The following NPSR1 variants were observed in gnomAD, a reference collection of about 807,000 sequenced individuals.
The protein encoded by NPSR1 is neuropeptide S receptor.
Under a neutral mutation model 46.9 loss-of-function variants are expected in NPSR1, and 48 were observed. The observed-to-expected ratio is 1.02, with a 90% CI of 0.81 to 1.30. The LOEUF is 1.30. Ranked by LOEUF, NPSR1 falls within the 50% of genes most tolerant of loss-of-function variation. The pLI, the probability that NPSR1 is intolerant of heterozygous loss-of-function variation, is 0.00. For missense variants in NPSR1, 450 were observed against 449.5 expected, an observed-to-expected ratio of 1.00 and a Z score of -0.01; for synonymous variants, 176 against 168.1, an observed-to-expected ratio of 1.05 and a Z score of -0.36.
At chr7:34,665,522 C>CT in intron 1 of NPSR1, among the ~76,000 whole-genome samples, 1 of 152,294 alleles carries the variant, frequency 6.6e-6, no homozygotes, top group Non-Finnish European at 1.5e-5. Flanking sequence ...ACCCAATCAC[C>CT]TTCTCTACTC....
At chr7:34,675,566 C>A (rs889650308) in intron 1 of NPSR1, among the ~76,000 whole-genome samples, 3 of 152,214 alleles carry the variant, frequency 2.0e-5, no homozygotes, top group Admixed American at 6.5e-5. Flanking sequence ...TTATTAAGCA[C>A]CTTCTACGGG....
At chr7:34,874,597 C>G (rs911828845) in intron 8 of NPSR1, among the ~76,000 whole-genome samples, 1 of 152,146 alleles carries the variant, frequency 6.6e-6, no homozygotes. Context: ...ACCGTGAGAC[C>G]ATCTTGTCTT....
At chr7:34,747,908 G>A (rs927568844) in intron 2 of NPSR1, among the ~76,000 whole-genome samples, 1 of 152,142 alleles carries the variant, frequency 6.6e-6, no homozygotes, top group Non-Finnish European at 1.5e-5. Flanking sequence ...GTTAAAGAAG[G>A]GATCTGGACA....
chr7:34,778,942 A>C (rs1229582967), intron 3 of NPSR1, among the ~76,000 whole-genome samples: 1 of 152,130 alleles, frequency 6.6e-6, no homozygotes, highest in Non-Finnish European at 1.5e-5. Context: ...TCTTTTTTGT[A>C]AACCAAGGGG....
In NPSR1 at chr7:34,666,639, G is replaced by C. The variant is rs867514263; in HGVS notation, c.147+8080G>C. On this transcript the variant is annotated intron_variant, in intron 1 of 8. Coordinates refer to ENST00000360581, the MANE Select transcript of NPSR1 (RefSeq NM_207172.2). Reference sequence around the variant, plus strand: ...ATTATATGAAAAAAAATAAATCTTTGTTTAAGCCACTGCTAAGCTGAATAC... The same window carrying C: ...ATTATATGAAAAAAAATAAATCTTTCTTTAAGCCACTGCTAAGCTGAATAC... Among the ~76,000 whole-genome samples the C allele has an allele frequency of 3.3e-5, 5 of 152,186 alleles. No individual in the cohort carries two copies. The Middle Eastern group carries it at 0.014, about 414-fold the overall frequency.
At chr7:34,797,775 T>C (rs760783259) in intron 3 of NPSR1, among the ~76,000 whole-genome samples, 1 of 152,122 alleles carries the variant, frequency 6.6e-6, no homozygotes, top group African/African-American at 2.4e-5. Context: ...AAAATCCTGA[T>C]AGAAGTTGAG....
chr7:34,790,777 TTA>T lies in NPSR1; in HGVS notation c.384+12216_384+12217del, dbSNP rs560996024. 6.2e-4 allele frequency among the ~76,000 whole-genome samples: 77 copies of T among 125,080 alleles called. 4 individuals carry two copies. In the South Asian group the frequency reaches 0.018, roughly 29 times the overall value. 82.1% of individuals were successfully genotyped at this position (125,080 alleles called of 152,430 possible). A position where few individuals can be genotyped will look rare whatever the true frequency, so the allele number is the denominator to read the frequency against. On this transcript the variant is annotated intron_variant, in intron 3 of 8. Transcript: ENST00000360581. ...TGTTATATGTTATATATAATATATG[TTA>T]TATGTTATATATATGTTATAGGTTA...
chr7:34,789,428 T>C (rs77278266), intron 3 of NPSR1, among the ~76,000 whole-genome samples: 11,236 of 151,862 alleles, frequency 0.074, 503 homozygotes, highest in East Asian at 0.12. Context: ...TCAAATAAAA[T>C]TAGAAATGAA....
At chr7:34,814,173 C>T (rs1055187815) in intron 4 of NPSR1, among the ~76,000 whole-genome samples, 1 of 152,214 alleles carries the variant, frequency 6.6e-6, no homozygotes, top group African/African-American at 2.4e-5. Flanking sequence ...AGCTGGGGCA[C>T]ACTGTACCTG....
chr7:34,867,846 TG>T (rs1254832132), intron 8 of NPSR1, among the ~76,000 whole-genome samples: 3 of 151,892 alleles, frequency 2.0e-5, no homozygotes, highest in Middle Eastern at 3.4e-3. Context: ...AGCTCACCTA[TG>T]GAAAAGGAGG....
chr7:34,822,338 T>A (rs983909992), intron 4 of NPSR1, among the ~76,000 whole-genome samples: 1 of 151,836 alleles, frequency 6.6e-6, no homozygotes, highest in African/African-American at 2.4e-5. Context: ...GGGAGAGTCA[T>A]GGAGCAGGGA....
chr7:34,741,445 T>C (rs1784936656), intron 2 of NPSR1, among the ~76,000 whole-genome samples: 1 of 152,202 alleles, frequency 6.6e-6, no homozygotes, highest in Non-Finnish European at 1.5e-5. Flanking sequence ...CCCAACCTCA[T>C]TCTTCCTAGG....
chr7:34,719,109 T>C (rs1189760525), intron 2 of NPSR1: 1 of 152,504 alleles, frequency 6.6e-6, no homozygotes, highest in Non-Finnish European at 1.5e-5. Flanking sequence ...GATGGACTTT[T>C]TTCTGGAAGT....
At chr7:34,756,569 G>A (rs1785868510) in intron 2 of NPSR1, among the ~76,000 whole-genome samples, 1 of 152,228 alleles carries the variant, frequency 6.6e-6, no homozygotes, top group Non-Finnish European at 1.5e-5. Context: ...GCAGCCATGA[G>A]CAAACAGGCA....
intron 1 of NPSR1, among the ~76,000 whole-genome samples, chr7:34,681,963 C>A (rs1166416862): frequency 6.6e-6 from 1 of 152,086 alleles, no homozygotes; most frequent in African/African-American, 2.4e-5. Context: ...AGAGAAAGGG[C>A]AATTTAAATA....
In NPSR1 at chr7:34,802,744, C is replaced by T. The variant is rs1278309042; in HGVS notation, c.385-9026C>T. 1.5e-4 allele frequency among the ~76,000 whole-genome samples: 22 copies of T among 150,494 alleles called. 1 individual carries two copies. The highest frequency in any genetic ancestry group is 2.1e-4 in the Non-Finnish European group (14 of 68,024). ...ATCTAATTAAACTAAAGAGCTTCTG[C>T]ACAGCAAAGGAAACTACCATCAGAG... On this transcript the variant is annotated intron_variant, in intron 3 of 8. Coordinates refer to ENST00000360581, the MANE Select transcript of NPSR1 (RefSeq NM_207172.2).
intron 2 of NPSR1, among the ~76,000 whole-genome samples, chr7:34,775,987 A>G (rs1185385059): frequency 6.6e-6 from 1 of 152,050 alleles, no homozygotes; most frequent in Non-Finnish European, 1.5e-5. Context: ...TCATTGACCC[A>G]CCAGTCATTC....
intron 3 of NPSR1, among the ~76,000 whole-genome samples, chr7:34,804,168 G>T (rs1788573002): frequency 6.6e-6 from 1 of 152,040 alleles, no homozygotes; most frequent in African/African-American, 2.4e-5. Flanking sequence ...GTTCCATGAG[G>T]CCAGAAATGC....
At chr7:34,751,295 G>A in intron 2 of NPSR1, 1 of 960,284 alleles carries the variant, frequency 1.0e-6, no homozygotes, top group Non-Finnish European at 1.7e-6. Context: ...AGATGAGGCT[G>A]GGAGTTGCAG....
Sources: allele counts gnomAD v4.1 joint callset (sites outside exome capture counted in the v4.1 genomes callset), GRCh38; gene constraint gnomAD v4.1.1; transcripts MANE v1.5; gene names NCBI Gene and HGNC (gene_info 2026-07-23, HGNC 2026-07-21).